Variants in DNAH12 observed in about 807,000 individuals in gnomAD.
DNAH12 encodes the protein dynein axonemal heavy chain 12.
Under a neutral mutation model 371.5 loss-of-function variants are expected in DNAH12, and 285 were observed. The ratio of observed to expected loss-of-function variants is 0.77; its 90% CI spans 0.70 to 0.85. The LOEUF (loss-of-function observed/expected upper bound fraction) is 0.85. DNAH12 is among the 40% of genes least tolerant of loss of function. The pLI is 0.00. For synonymous variants in DNAH12, 1,200 were observed against 1,213.0 expected, an observed-to-expected ratio of 0.99 and a Z score of 0.22; for missense variants, 3,611 against 3,689.4, an observed-to-expected ratio of 0.98 and a Z score of 0.55.
intron 43 of DNAH12, 95 bp downstream of exon 43, chr3:57,403,214 G>A (rs934073506): frequency 8.4e-5 from 101 of 1,199,078 alleles, no homozygotes; most frequent in Middle Eastern, 2.4e-4. Flanking sequence ...ATCATCACTG[G>A]AGTTCAGTAC....
At chr3:57,300,797 C>CA (rs532044164) in intron 70 of DNAH12, among the ~76,000 whole-genome samples, 83 of 147,346 alleles carry the variant, frequency 5.6e-4, no homozygotes, top group African/African-American at 1.2e-3. Flanking sequence ...TGAGAATTTC[C>CA]AAAAAAAAAA....
intron 69 of DNAH12, among the ~76,000 whole-genome samples, chr3:57,303,535 C>T (rs2061407622): frequency 6.6e-6 from 1 of 151,710 alleles, no homozygotes; most frequent in Admixed American, 6.6e-5. Flanking sequence ...CCTTGGCCTC[C>T]CAAGTAGCTG....
At chr3:57,412,148 G>T (rs1000666327) in intron 39 of DNAH12, among the ~76,000 whole-genome samples, 4 of 152,192 alleles carry the variant, frequency 2.6e-5, no homozygotes, top group African/African-American at 9.6e-5. Flanking sequence ...AGGAGGCTGA[G>T]GCAGATGGAT....
intron 25 of DNAH12, among the ~76,000 whole-genome samples, chr3:57,448,336 A>G (rs1272401003): frequency 1.3e-5 from 2 of 151,994 alleles, no homozygotes; most frequent in African/African-American, 4.8e-5. Flanking sequence ...TTAAGGCAGC[A>G]CGTCTGGACT....
intron 60 of DNAH12, among the ~76,000 whole-genome samples, chr3:57,335,917 G>C (rs2062211620): frequency 6.6e-6 from 1 of 152,194 alleles, no homozygotes; most frequent in Non-Finnish European, 1.5e-5. Context: ...CCTTAGTGGT[G>C]AAGCTAACAT....
chr3:57,504,462 G>A (rs569479132), intron 8 of DNAH12, among the ~76,000 whole-genome samples: 14 of 152,138 alleles, frequency 9.2e-5, no homozygotes, highest in African/African-American at 3.4e-4. Context: ...CCAGACTGCA[G>A]TGCAGTGGTG....
chr3:57,434,570 A>AG (rs1317080427), intron 30 of DNAH12, among the ~76,000 whole-genome samples: 2 of 152,090 alleles, frequency 1.3e-5, no homozygotes, highest in African/African-American at 2.4e-5. Context: ...TACCTAGAAG[A>AG]GGGGGGGATA....
At chr3:57,431,755 C>T (rs920600337) in intron 32 of DNAH12, among the ~76,000 whole-genome samples, 2 of 152,166 alleles carry the variant, frequency 1.3e-5, no homozygotes, top group Non-Finnish European at 2.9e-5. Flanking sequence ...TATGGTCTTC[C>T]ACTCAATCAG....
At chr3:57,517,701 T>G (rs2068248656) in intron 4 of DNAH12, among the ~76,000 whole-genome samples, 2 of 152,174 alleles carry the variant, frequency 1.3e-5, no homozygotes, top group South Asian at 4.1e-4. Context: ...GTATATAATC[T>G]TCCTTAGCAA....
intron 5 of DNAH12, among the ~76,000 whole-genome samples, chr3:57,509,813 G>C (rs1299700961): frequency 7.6e-6 from 1 of 132,150 alleles, no homozygotes; most frequent in African/African-American, 2.8e-5. Flanking sequence ...AGTGAGCTGA[G>C]ATTGCACCAC....
At position 57,385,584 on chromosome 3, in the gene DNAH12, TG is replaced by T. The variant is rs1159025705; in HGVS notation, c.7603-156del. 4.8e-3 allele frequency among the ~76,000 whole-genome samples: 731 copies of T among 152,310 alleles called. 7 individuals are homozygous for T. The highest frequency in any genetic ancestry group is 0.017 in the African/African-American group (707 of 41,574). ...GTTCTTTGCATGACAAACAAAACTA[TG>T]AAAGTGTGGGCCAGGGCCAAGCACG... On this transcript the variant is annotated intron_variant, in intron 47 of 73. Transcript: ENST00000495027.
At chr3:57,554,739 C>T in the DNAH12 span, among the ~76,000 whole-genome samples, 2 of 152,030 alleles carry the variant, frequency 1.3e-5, no homozygotes, top group Non-Finnish European at 2.9e-5. Flanking sequence ...CCTCAGCCTC[C>T]CTAGTAGCTG....
intron 25 of DNAH12, among the ~76,000 whole-genome samples, chr3:57,450,787 A>C (rs990497184): frequency 1.3e-5 from 2 of 152,132 alleles, no homozygotes; most frequent in African/African-American, 4.8e-5. Context: ...GTTTGGTGAA[A>C]TCTTTTCTCC....
chr3:57,434,275 G>A (rs13070406), intron 30 of DNAH12, among the ~76,000 whole-genome samples: 75,724 of 151,728 alleles, frequency 0.5, 18,991 homozygotes, highest in South Asian at 0.57. Flanking sequence ...TCTAACCAAC[G>A]GGTAATAAAT....
At chr3:57,474,729 C>T (rs572404933) in intron 13 of DNAH12, among the ~76,000 whole-genome samples, 6 of 152,206 alleles carry the variant, frequency 3.9e-5, no homozygotes, top group East Asian at 1.9e-4. Flanking sequence ...GAGGCCAAGT[C>T]GGGCAGATCA....
At chr3:57,506,786 A>G (rs2153392567) in intron 8 of DNAH12, among the ~76,000 whole-genome samples, 1 of 152,136 alleles carries the variant, frequency 6.6e-6, no homozygotes, top group East Asian at 1.9e-4. Context: ...CTAGCACACT[A>G]CTGGGTGAAG....
intron 43 of DNAH12, among the ~76,000 whole-genome samples, chr3:57,401,496 G>A (rs1575547557): frequency 1.4e-5 from 2 of 143,342 alleles, no homozygotes; most frequent in African/African-American, 5.2e-5. Context: ...CCTGGGAGGC[G>A]AAGATTGCAG....
intron 43 of DNAH12, 119 bp downstream of exon 43, chr3:57,403,190 G>C: frequency 9.7e-7 from 1 of 1,033,474 alleles, no homozygotes; most frequent in Non-Finnish European, 1.4e-6. Flanking sequence ...TCTATGGACA[G>C]TATTAGCATC....
chr3:57,483,950 CAAAAAAA>C (rs71088079), intron 12 of DNAH12, among the ~76,000 whole-genome samples: 1 of 64,108 alleles, frequency 1.6e-5, no homozygotes, highest in Admixed American at 2.1e-4. Context: ...GACCCTGTCT[CAAAAAAA>C]AAAAAAAAAA....
Sources: gnomAD v4.1 joint callset for allele counts (sites outside exome capture counted in the v4.1 genomes callset) on GRCh38, gnomAD v4.1.1 for gene constraint, MANE v1.5 for transcripts, NCBI Gene and HGNC (gene_info 2026-07-23, HGNC 2026-07-21) for gene names.